The following PDE4D variants were observed in gnomAD, a reference collection of about 807,000 sequenced individuals.
PDE4D encodes the protein 3',5'-cyclic-AMP phosphodiesterase 4D.
Under a neutral mutation model 87.4 loss-of-function variants are expected in PDE4D, and 24 were observed. The observed-to-expected ratio is 0.27, with a 90% CI of 0.20 to 0.39. The LOEUF is 0.39. Ranked by LOEUF, PDE4D falls within the 10% of genes least tolerant of loss-of-function variation. The pLI, the probability that PDE4D is intolerant of heterozygous loss-of-function variation, is 1.00. For synonymous variants in PDE4D, 384 were observed against 383.2 expected, an observed-to-expected ratio of 1.00 and a Z score of -0.02; for missense variants, 714 against 1,041.0, an observed-to-expected ratio of 0.69 and a Z score of 4.32.
chr5:59,454,546 C>A (rs1448494771), intron 1 of PDE4D, among the ~76,000 whole-genome samples: 1 of 152,114 alleles, frequency 6.6e-6, no homozygotes, highest in African/African-American at 2.4e-5. Context: ...TTTTTCTCCC[C>A]AGTCTCAGGT....
intron 5 of PDE4D, among the ~76,000 whole-genome samples, chr5:59,136,886 C>A (rs1777151860): frequency 6.6e-6 from 1 of 152,164 alleles, no homozygotes; most frequent in African/African-American, 2.4e-5. Flanking sequence ...GGAATGAGGA[C>A]TTTAAAAGGA....
At chr5:59,592,264 C>T (rs1826022035) in intron 1 of PDE4D, 1 of 395,098 alleles carries the variant, frequency 2.5e-6, no homozygotes. Flanking sequence ...CCACTCCTGG[C>T]AAGTTCTAGC....
chr5:59,933,556 C>T (rs1458636103), intron 3 of PDE4D, among the ~76,000 whole-genome samples: 1 of 152,148 alleles, frequency 6.6e-6, no homozygotes, highest in Non-Finnish European at 1.5e-5. Context: ...TAGAAATTAT[C>T]TATGTCCTCA....
intron 1 of PDE4D, among the ~76,000 whole-genome samples, chr5:59,339,554 T>C (rs1156316700): frequency 1.3e-5 from 2 of 152,200 alleles, no homozygotes; most frequent in South Asian, 2.1e-4. Context: ...CAATGAATCA[T>C]GTTTAAGACG....
At chr5:59,565,136 G>T (rs1820664079) in intron 1 of PDE4D, among the ~76,000 whole-genome samples, 1 of 152,166 alleles carries the variant, frequency 6.6e-6, no homozygotes, top group African/African-American at 2.4e-5. Flanking sequence ...GTAGGAAGGA[G>T]ATGGGCTCCG....
intron 2 of PDE4D, among the ~76,000 whole-genome samples, chr5:60,175,068 A>C (rs1177363882): frequency 2.0e-5 from 3 of 151,646 alleles, no homozygotes; most frequent in Non-Finnish European, 4.4e-5. Flanking sequence ...ATGTCATGCC[A>C]CTTAATATTG....
chr5:60,129,754 C>T (rs1393972737), intron 2 of PDE4D, among the ~76,000 whole-genome samples: 1 of 152,184 alleles, frequency 6.6e-6, no homozygotes, highest in East Asian at 1.9e-4. Flanking sequence ...CCTATAAAAA[C>T]TCTATTGAAG....
intron 1 of PDE4D, among the ~76,000 whole-genome samples, chr5:59,778,443 T>C (rs1017615063): frequency 2.0e-5 from 3 of 152,226 alleles, no homozygotes; most frequent in South Asian, 2.1e-4. Context: ...TTTCTGAAAT[T>C]ATTATTTTAA....
intron 1 of PDE4D, among the ~76,000 whole-genome samples, chr5:59,793,818 A>C (rs1382743705): frequency 6.6e-6 from 1 of 152,116 alleles, no homozygotes; most frequent in African/African-American, 2.4e-5. Context: ...TTTTCCCCTT[A>C]GGGGCTCATA....
intron 2 of PDE4D, among the ~76,000 whole-genome samples, chr5:60,113,877 G>T (rs1223763516): frequency 1.3e-5 from 2 of 152,058 alleles, no homozygotes; most frequent in Admixed American, 6.6e-5. Context: ...AAAACTGCCA[G>T]GTTTACAGGT....
intron 2 of PDE4D, among the ~76,000 whole-genome samples, chr5:60,184,794 C>A (rs1193863223): frequency 6.6e-6 from 1 of 152,186 alleles, no homozygotes; most frequent in Admixed American, 6.5e-5. Flanking sequence ...TTTTCTGATG[C>A]CTTCAAATTA....
chr5:59,853,407 A>C (rs1426140782), intron 1 of PDE4D, among the ~76,000 whole-genome samples: 1 of 152,094 alleles, frequency 6.6e-6, no homozygotes, highest in Non-Finnish European at 1.5e-5. Flanking sequence ...AAAATCCTAA[A>C]GCTAATTATA....
intron 2 of PDE4D, among the ~76,000 whole-genome samples, chr5:60,143,605 G>T (rs568752610): frequency 6.9e-4 from 19 of 27,694 alleles, no homozygotes; most frequent in South Asian, 3.2e-3. Flanking sequence ...CTTGGGAATT[G>T]TGTGTGTGTG....
chr5:60,049,689 G>T (rs140974941), intron 2 of PDE4D, among the ~76,000 whole-genome samples: 1,578 of 152,326 alleles, frequency 0.01, 14 homozygotes, highest in Non-Finnish European at 0.015. Context: ...GGGGTCAGGG[G>T]TCAGGGACCC....
At chr5:59,262,589 T>G (rs887960086) in intron 1 of PDE4D, among the ~76,000 whole-genome samples, 3 of 151,738 alleles carry the variant, frequency 2.0e-5, no homozygotes, top group African/African-American at 4.8e-5. Context: ...AGGTCGGGGG[T>G]CAATCCCTGT....
intron 12 of PDE4D, 92 bp downstream of exon 12, chr5:58,977,099 T>C (rs1417985906): frequency 8.5e-7 from 1 of 1,170,840 alleles, no homozygotes; most frequent in Non-Finnish European, 1.2e-6. Context: ...TGAAATGCAG[T>C]TCCTTTTACC....
intron 1 of PDE4D, among the ~76,000 whole-genome samples, chr5:59,334,436 T>G (rs1164528143): frequency 6.6e-6 from 1 of 151,778 alleles, no homozygotes; most frequent in African/African-American, 2.4e-5. Flanking sequence ...TTTTTGTATT[T>G]TTATAGAGAT....
chr5:60,259,519 T>G (rs1016049540), intron 1 of PDE4D, among the ~76,000 whole-genome samples: 1 of 152,134 alleles, frequency 6.6e-6, no homozygotes, highest in African/African-American at 2.4e-5. Context: ...TGTGGTTATC[T>G]ATGAGTAATT....
In PDE4D at chr5:59,018,958, T is replaced by A. The variant is rs977818602; in HGVS notation, c.921+19901A>T. 5.5e-4 allele frequency among the ~76,000 whole-genome samples: 84 copies of A among 151,542 alleles called. 1 individual carries two copies. The highest frequency in any genetic ancestry group is 1.9e-3 in the African/African-American group (77 of 41,326). ...TGCCCCCTCTTTTTTTTTTTTTTTT[T>A]AACCAGAAATCCAGTCCTGACAACT... On this transcript the variant is annotated intron_variant, in intron 6 of 14. Transcript: ENST00000340635.
Sources: allele counts gnomAD v4.1 joint callset (sites outside exome capture counted in the v4.1 genomes callset), GRCh38; gene constraint gnomAD v4.1.1; transcripts MANE v1.5; gene names NCBI Gene and HGNC (gene_info 2026-07-23, HGNC 2026-07-21).